The following DOCK2 variants were observed in gnomAD, a reference collection of about 807,000 sequenced individuals.
DOCK2 encodes the protein dedicator of cytokinesis protein 2.
A neutral mutation model predicts 248.9 loss-of-function variants in DOCK2; 87 were observed. The observed-to-expected ratio is 0.35, with a 90% confidence interval of 0.29 to 0.42. DOCK2 has a LOEUF of 0.42. DOCK2 is among the 10% of genes least tolerant of loss of function. DOCK2 has a pLI of 1.00. For missense variants in DOCK2, 1,747 were observed against 2,300.2 expected, an observed-to-expected ratio of 0.76 and a Z score of 4.92; for synonymous variants, 805 against 821.6, an observed-to-expected ratio of 0.98 and a Z score of 0.35.
chr5:169,780,677 GT>G (rs1322498358), intron 25 of DOCK2, among the ~76,000 whole-genome samples: 1 of 152,180 alleles, frequency 6.6e-6, no homozygotes, highest in Non-Finnish European at 1.5e-5. Context: ...TGGGATAGGT[GT>G]TTGAAGGTGA....
intron 22 of DOCK2, among the ~76,000 whole-genome samples, chr5:169,721,995 G>T (rs1292229107): frequency 6.6e-6 from 1 of 152,216 alleles, no homozygotes; most frequent in African/African-American, 2.4e-5. Flanking sequence ...TCTAGCTTCT[G>T]CCACAGGGAG....
At chr5:170,079,190 T>C (rs1258511607) in intron 49 of DOCK2, 44 bp downstream of exon 49, 1 of 1,592,238 alleles carries the variant, frequency 6.3e-7, no homozygotes. Flanking sequence ...TGTTAGCACA[T>C]TTCCACTACA....
rs1037332855 is a variant in DOCK2 at position 169,639,635 on chromosome 5, T to C, written c.43+2266T>C. Among the ~76,000 whole-genome samples the C allele has an allele frequency of 2.0e-5, 3 of 152,166 alleles. No individual in the cohort carries two copies. In the South Asian group the frequency reaches 6.2e-4, roughly 32 times the overall value. Reference sequence around the variant, plus strand: ...AAAAAGGATGCAGGGAAAAAGAAGGTCATGGCTTTTCCCTTTAAAGACATT... The same window carrying C: ...AAAAAGGATGCAGGGAAAAAGAAGGCCATGGCTTTTCCCTTTAAAGACATT... On this transcript the variant is annotated intron_variant, in intron 1 of 51. Transcript: ENST00000520908.
intron 33 of DOCK2, among the ~76,000 whole-genome samples, chr5:170,026,416 C>T (rs1581537127): frequency 6.6e-6 from 1 of 152,060 alleles, no homozygotes; most frequent in Non-Finnish European, 1.5e-5. Flanking sequence ...AAAGGTGATC[C>T]GTGACCTCCA....
At chr5:170,018,590 A>G (rs1160178645) in intron 32 of DOCK2, among the ~76,000 whole-genome samples, 1 of 152,240 alleles carries the variant, frequency 6.6e-6, no homozygotes. Context: ...GCAACACGGC[A>G]TGTATTTCAG....
At chr5:169,746,332 A>T (rs1463914975) in intron 22 of DOCK2, among the ~76,000 whole-genome samples, 1 of 152,096 alleles carries the variant, frequency 6.6e-6, no homozygotes, top group Admixed American at 6.6e-5. Flanking sequence ...GAGGGGAAGG[A>T]TGGGGATTTT....
At chr5:169,957,651 G>A (rs755948242) in intron 27 of DOCK2, among the ~76,000 whole-genome samples, 9 of 152,116 alleles carry the variant, frequency 5.9e-5, no homozygotes, top group Non-Finnish European at 7.4e-5. Flanking sequence ...GAGGCAATGC[G>A]CGAGGAAGCC....
At position 170,034,391 on chromosome 5, in the gene DOCK2, T is replaced by C. The variant is rs760837783; in HGVS notation, c.3468-8T>C. ...CATGAGCTCACTGCCCTCTGGTCTC[T>C]GCCGCAGCCTGATGGAATGTGCTGC... is the stretch of plus-strand genomic sequence containing the variant. On this transcript the variant is annotated splice_polypyrimidine_tract_variant and splice_region_variant and intron_variant, in intron 34 of 51. Coordinates refer to ENST00000520908, the MANE Select transcript of DOCK2 (RefSeq NM_004946.3). 6.2e-7 allele frequency: 1 copy of C among 1,613,902 alleles called. No homozygotes were observed. Among genetic ancestry groups the C allele is most frequent in the Non-Finnish European group, 8.5e-7 (1 of 1,179,952 alleles).
intron 27 of DOCK2, among the ~76,000 whole-genome samples, chr5:169,901,418 G>GGT (rs149142184): frequency 2.6e-4 from 39 of 151,594 alleles, no homozygotes; most frequent in East Asian, 1.4e-3. Context: ...GTTTACGAAG[G>GGT]GTGTGTGTGT....
chr5:169,982,955 G>T (rs1263824366), intron 27 of DOCK2, 113 bp from the exon 28 acceptor site: 2 of 982,230 alleles, frequency 2.0e-6, no homozygotes, highest in African/African-American at 1.6e-5. Flanking sequence ...GCACATAATA[G>T]TACTCAGTAA....
Position 170,022,890 on chromosome 5 carries a change from C to T in DOCK2, c.3381+3782C>T, listed in dbSNP as rs181392266. On this transcript the variant is annotated intron_variant, in intron 33 of 51. Transcript: ENST00000520908. The stretch of plus-strand genomic sequence containing the variant: ...GGATGGAGGCATTTAGACCCCCATC[C>T]CATGTCATTCAGGGGAACCACATCG... Among the ~76,000 whole-genome samples the T allele has an allele frequency of 5.9e-5, 9 of 152,250 alleles. No individual in the cohort carries two copies. The East Asian group carries it at 1.7e-3, about 29-fold the overall frequency.
At chr5:169,858,318 G>A (rs1443057593) in intron 27 of DOCK2, among the ~76,000 whole-genome samples, 1 of 152,222 alleles carries the variant, frequency 6.6e-6, no homozygotes, top group African/African-American at 2.4e-5. Flanking sequence ...TCTAAGAGGG[G>A]TATTTGGCAT....
intron 27 of DOCK2, among the ~76,000 whole-genome samples, chr5:169,950,301 C>A (rs1025425728): frequency 2.6e-5 from 4 of 152,204 alleles, no homozygotes; most frequent in African/African-American, 9.7e-5. Context: ...AGCAGACCTT[C>A]CTCATAGGGT....
rs558186346 is a variant in DOCK2 at position 169,836,711 on chromosome 5, C to G, written c.2704-4046C>G. 1.8e-4 allele frequency among the ~76,000 whole-genome samples: 28 copies of G among 152,224 alleles called. 1 individual carries two copies. In the South Asian group the frequency reaches 5.6e-3, roughly 30 times the overall value. ...AAGTAGATACTGTTTGCTGCCTGCT[C>G]TGACCTGAAGATTTTCCTCTTTGTT... On this transcript the variant is annotated intron_variant, in intron 26 of 51. Transcript: ENST00000520908.
intron 36 of DOCK2, among the ~76,000 whole-genome samples, chr5:170,039,775 C>CGAGAAACCCTGT (rs1756452512): frequency 6.6e-6 from 1 of 152,164 alleles, no homozygotes; most frequent in Non-Finnish European, 1.5e-5. Context: ...TGGAGATACC[C>CGAGAAACCCTGT]GAGAAACCCT....
rs772095719 is a variant in DOCK2 at position 169,948,613 on chromosome 5, A to ATTTTTTTTTTTTTTTTTTT, written c.2800-34438_2800-34437insTTTTTTTTTTTTTTTTTTT. On this transcript the variant is annotated intron_variant, in intron 27 of 51. Transcript: ENST00000520908. ...TTCTTATTCCTTCCTTCCACAATTA[A>ATTTTTTTTTTTTTTTTTTT]TTTTTTTTTTTTTTTTTAGAGACAG... Among the ~76,000 whole-genome samples the ATTTTTTTTTTTTTTTTTTT allele has an allele frequency of 6.6e-5, 9 of 135,948 alleles. 1 individual carries two copies. The South Asian group carries it at 2.0e-3, about 30-fold the overall frequency. 89.2% of individuals were successfully genotyped at this position (135,948 alleles called of 152,430 possible). A position where few individuals can be genotyped will look rare whatever the true frequency, so the allele number is the denominator to read the frequency against.
intron 41 of DOCK2, among the ~76,000 whole-genome samples, chr5:170,051,091 G>A (rs1756897964): frequency 6.6e-6 from 1 of 152,362 alleles, no homozygotes; most frequent in Admixed American, 6.5e-5. Flanking sequence ...CCTTGAGGAA[G>A]GTGATGTTTG....
At chr5:169,686,099 C>T (rs566237742) in intron 8 of DOCK2, among the ~76,000 whole-genome samples, 22 of 152,198 alleles carry the variant, frequency 1.4e-4, no homozygotes, top group Non-Finnish European at 2.5e-4. Context: ...GTCCCTTACG[C>T]CCACCTTGAA....
intron 20 of DOCK2, 58 bp from the exon 21 acceptor site, chr5:169,717,326 A>G (rs1761959191): frequency 7.0e-7 from 1 of 1,435,340 alleles, no homozygotes; most frequent in Non-Finnish European, 9.8e-7. Flanking sequence ...TGCCAGGTAA[A>G]GATGGCTTCC....
Sources: allele counts gnomAD v4.1 joint callset (sites outside exome capture counted in the v4.1 genomes callset), GRCh38; gene constraint gnomAD v4.1.1; transcripts MANE v1.5; gene names NCBI Gene and HGNC (gene_info 2026-07-23, HGNC 2026-07-21).